BTBD9: variants seen among roughly 807,000 people sequenced by gnomAD.
BTBD9 encodes the protein BTB/POZ domain-containing protein 9.
Under a neutral mutation model 64.3 loss-of-function variants are expected in BTBD9, and 49 were observed. That is an observed-to-expected ratio of 0.76 (90% confidence interval 0.61 to 0.97). The LOEUF (loss-of-function observed/expected upper bound fraction) is 0.97. BTBD9 is among the 50% of genes least tolerant of loss of function. BTBD9 has a pLI of 0.00. For synonymous variants in BTBD9, 260 were observed against 274.7 expected (o/e 0.95, Z 0.53); for missense variants, 598 against 762.1 (o/e 0.78, Z 2.53).
At chr6:38,179,881 G>T (rs1283860103) in intron 10 of BTBD9, 12 of 450,230 alleles carry the variant, frequency 2.7e-5, no homozygotes, top group Non-Finnish European at 5.4e-5. Flanking sequence ...GAGGGGTTGG[G>T]AGGCAGGGAG....
At chr6:38,315,981 G>C (rs1016428131) in intron 7 of BTBD9, among the ~76,000 whole-genome samples, 4 of 151,946 alleles carry the variant, frequency 2.6e-5, no homozygotes, top group African/African-American at 9.7e-5. Flanking sequence ...TATATATCAG[G>C]GTGCTCCAGT....
At chr6:38,434,447 C>T (rs2127299174) in intron 6 of BTBD9, among the ~76,000 whole-genome samples, 1 of 152,016 alleles carries the variant, frequency 6.6e-6, no homozygotes, top group Middle Eastern at 3.4e-3. Flanking sequence ...CCTGAAACAC[C>T]TCCCAGCCCC....
chr6:38,465,908 G>T (rs1269843812), intron 6 of BTBD9, among the ~76,000 whole-genome samples: 1 of 123,744 alleles, frequency 8.1e-6, no homozygotes, highest in Non-Finnish European at 1.6e-5. Context: ...ATGGCTCATT[G>T]CAGCTTCAAC....
intron 8 of BTBD9, among the ~76,000 whole-genome samples, chr6:38,278,262 T>C (rs924600616): frequency 1.3e-5 from 2 of 152,214 alleles, no homozygotes; most frequent in Non-Finnish European, 2.9e-5. Context: ...GCCATGCCCC[T>C]GTGGACTTTT....
chr6:38,475,756 T>G (rs1036736614), intron 6 of BTBD9, among the ~76,000 whole-genome samples: 1 of 152,188 alleles, frequency 6.6e-6, no homozygotes, highest in African/African-American at 2.4e-5. Flanking sequence ...AGCCAAAAGC[T>G]GCTGCCATAC....
At chr6:38,284,715 T>A (rs570813866) in intron 8 of BTBD9, among the ~76,000 whole-genome samples, 7 of 152,114 alleles carry the variant, frequency 4.6e-5, no homozygotes, top group Non-Finnish European at 8.8e-5. Context: ...TGATAGAAAT[T>A]GTATACAAAA....
intron 1 of BTBD9, among the ~76,000 whole-genome samples, chr6:38,636,262 G>A (rs1365440191): frequency 6.6e-6 from 1 of 152,182 alleles, no homozygotes; most frequent in African/African-American, 2.4e-5. Context: ...AGTCCACTAA[G>A]TTAACTACTA....
intron 1 of BTBD9, among the ~76,000 whole-genome samples, chr6:38,632,182 C>A (rs1328757828): frequency 2.0e-5 from 3 of 152,158 alleles, no homozygotes; most frequent in Non-Finnish European, 4.4e-5. Context: ...ATTTGTTACA[C>A]AGCAATAGAT....
At chr6:38,195,870 T>C (rs1402504378) in intron 9 of BTBD9, among the ~76,000 whole-genome samples, 1 of 152,228 alleles carries the variant, frequency 6.6e-6, no homozygotes, top group African/African-American at 2.4e-5. Flanking sequence ...TGGTCCAGAT[T>C]TTAGCTTTGG....
chr6:38,388,508 C>T (rs1329930504), intron 6 of BTBD9, among the ~76,000 whole-genome samples: 3 of 152,138 alleles, frequency 2.0e-5, no homozygotes, highest in Admixed American at 6.5e-5. Flanking sequence ...AACTAAAATG[C>T]TTTGGAATAG....
intron 1 of BTBD9, among the ~76,000 whole-genome samples, chr6:38,638,033 G>C (rs565085032): frequency 6.6e-6 from 1 of 152,258 alleles, no homozygotes; most frequent in South Asian, 2.1e-4. Flanking sequence ...AGACATAAAA[G>C]TCGTCTTGGT....
intron 6 of BTBD9, among the ~76,000 whole-genome samples, chr6:38,506,752 A>C (rs1772541451): frequency 1.3e-5 from 2 of 152,204 alleles, no homozygotes; most frequent in African/African-American, 2.4e-5. Context: ...TCTATTCTCC[A>C]CAAAACAGTC....
intron 7 of BTBD9, among the ~76,000 whole-genome samples, chr6:38,338,855 A>G (rs973030893): frequency 1.3e-5 from 2 of 152,220 alleles, no homozygotes; most frequent in African/African-American, 4.8e-5. Flanking sequence ...GCCCTTAAAC[A>G]TATGAAAAGA....
chr6:38,468,346 T>A (rs1770490114), intron 6 of BTBD9, among the ~76,000 whole-genome samples: 1 of 152,208 alleles, frequency 6.6e-6, no homozygotes, highest in Non-Finnish European at 1.5e-5. Flanking sequence ...CCTACATACC[T>A]CGCACACACC....
At chr6:38,613,873 T>C (rs147061683) in intron 1 of BTBD9, among the ~76,000 whole-genome samples, 9 of 152,266 alleles carry the variant, frequency 5.9e-5, no homozygotes, top group Non-Finnish European at 1.2e-4. Context: ...CATTTGTAAA[T>C]GAGAAGACAG....
At chr6:38,638,519 G>A in intron 1 of BTBD9, among the ~76,000 whole-genome samples, 1 of 152,092 alleles carries the variant, frequency 6.6e-6, no homozygotes, top group Admixed American at 6.6e-5. Flanking sequence ...TTAGACATAG[G>A]GCAAGGAGGA....
At chr6:38,247,774 T>C (rs1455632069) in intron 9 of BTBD9, among the ~76,000 whole-genome samples, 1 of 152,204 alleles carries the variant, frequency 6.6e-6, no homozygotes, top group Non-Finnish European at 1.5e-5. Flanking sequence ...TTGGGCTAAA[T>C]GGCAAGGTTC....
chr6:38,550,392 C>T (rs536370060), intron 6 of BTBD9, among the ~76,000 whole-genome samples: 176 of 151,276 alleles, frequency 1.2e-3, no homozygotes, highest in African/African-American at 4.0e-3. Context: ...TCTCGGCTCA[C>T]TGCAACCTAT....
intron 6 of BTBD9, among the ~76,000 whole-genome samples, chr6:38,402,320 T>C (rs532830234): frequency 5.9e-5 from 9 of 152,050 alleles, no homozygotes; most frequent in South Asian, 2.1e-4. Context: ...AACACACTTA[T>C]TTGTAGAAAT....
Sources: gnomAD v4.1 joint callset for allele counts (sites outside exome capture counted in the v4.1 genomes callset) on GRCh38, gnomAD v4.1.1 for gene constraint, MANE v1.5 for transcripts, NCBI Gene and HGNC (gene_info 2026-07-23, HGNC 2026-07-21) for gene names.